PPM1L: variants seen among roughly 807,000 people sequenced by gnomAD.
The protein encoded by PPM1L is protein phosphatase, Mg2+/Mn2+ dependent 1L, also known as protein phosphatase 1L.
PPM1L carries 13 observed loss-of-function variants against 31.4 expected under a neutral mutation model. The ratio of observed to expected loss-of-function variants is 0.41; its 90% confidence interval spans 0.27 to 0.66. The LOEUF (loss-of-function observed/expected upper bound fraction) is 0.66. Ranked by LOEUF, PPM1L falls within the 30% of genes least tolerant of loss-of-function variation. PPM1L has a pLI of 0.29. For synonymous variants in PPM1L, 184 were observed against 175.4 expected (o/e 1.05, Z -0.39); for missense variants, 326 against 453.7 (o/e 0.72, Z 2.56).
At chr3:160,921,548 A>C (rs972956178) in intron 1 of PPM1L, among the ~76,000 whole-genome samples, 1 of 152,170 alleles carries the variant, frequency 6.6e-6, no homozygotes, top group Non-Finnish European at 1.5e-5. Flanking sequence ...TTAAACATTT[A>C]AACTGTCCTT....
chr3:160,819,292 A>G (rs1713120647), intron 1 of PPM1L, among the ~76,000 whole-genome samples: 1 of 152,104 alleles, frequency 6.6e-6, no homozygotes. Flanking sequence ...CTCATTTAAT[A>G]TAACATAAGA....
At chr3:160,787,376 A>G (rs1320500438) in intron 1 of PPM1L, among the ~76,000 whole-genome samples, 1 of 151,952 alleles carries the variant, frequency 6.6e-6, no homozygotes, top group Non-Finnish European at 1.5e-5. Context: ...CACTTTTTGT[A>G]TGTTTTTTGG....
intron 1 of PPM1L, among the ~76,000 whole-genome samples, chr3:160,789,120 T>G (rs1003974429): frequency 1.3e-5 from 2 of 151,976 alleles, no homozygotes; most frequent in Non-Finnish European, 2.9e-5. Flanking sequence ...AGGATACTTC[T>G]TTAATTTATT....
chr3:161,009,195 C>T (rs73875442), intron 2 of PPM1L, among the ~76,000 whole-genome samples: 230 of 152,234 alleles, frequency 1.5e-3, no homozygotes, highest in African/African-American at 5.3e-3. Flanking sequence ...AATCAGTTGC[C>T]ATAATGCTGT....
chr3:160,934,691 A>T (rs984616008), intron 1 of PPM1L, among the ~76,000 whole-genome samples: 9 of 152,080 alleles, frequency 5.9e-5, no homozygotes, highest in African/African-American at 2.2e-4. Context: ...AGTGGCTCAC[A>T]CCTGTAATCC....
intron 2 of PPM1L, among the ~76,000 whole-genome samples, chr3:161,005,719 A>T (rs1717682154): frequency 6.6e-6 from 1 of 152,228 alleles, no homozygotes; most frequent in East Asian, 1.9e-4. Context: ...AGCACTTGAA[A>T]CACAATATAA....
chr3:161,007,787 A>G (rs139033150), intron 2 of PPM1L, among the ~76,000 whole-genome samples: 64 of 152,294 alleles, frequency 4.2e-4, no homozygotes, highest in Non-Finnish European at 8.1e-4. Context: ...ACTGTGAGCA[A>G]GATGAGAGCC....
chr3:160,780,442 C>G (rs1048496313), intron 1 of PPM1L, among the ~76,000 whole-genome samples: 8 of 152,162 alleles, frequency 5.3e-5, no homozygotes, highest in African/African-American at 1.9e-4. Context: ...GGCAAAGGCT[C>G]CATTGGATCC....
At chr3:160,818,905 T>G (rs1358199874) in intron 1 of PPM1L, among the ~76,000 whole-genome samples, 1 of 151,892 alleles carries the variant, frequency 6.6e-6, no homozygotes, top group East Asian at 1.9e-4. Context: ...TATTTATTTA[T>G]TTTTTTACTT....
At chr3:160,774,322 A>G (rs111289313) in intron 1 of PPM1L, among the ~76,000 whole-genome samples, 2,507 of 152,070 alleles carry the variant, frequency 0.016, 66 homozygotes, top group African/African-American at 0.057. Context: ...TGCCATAAAG[A>G]TGGTACTGCC....
At chr3:160,866,863 GA>G (rs1712108725) in intron 1 of PPM1L, among the ~76,000 whole-genome samples, 1 of 151,580 alleles carries the variant, frequency 6.6e-6, no homozygotes, top group Admixed American at 6.6e-5. Context: ...TTATTTTTTT[GA>G]GACAGAATCT....
chr3:161,063,641 C>G (rs1376296172), intron 2 of PPM1L, among the ~76,000 whole-genome samples: 2 of 151,830 alleles, frequency 1.3e-5, no homozygotes, highest in Admixed American at 6.6e-5. Flanking sequence ...ACCAGAAATA[C>G]CATTTGACTC....
chr3:160,928,733 A>G (rs1178572133), intron 1 of PPM1L, among the ~76,000 whole-genome samples: 1 of 152,140 alleles, frequency 6.6e-6, no homozygotes, highest in Non-Finnish European at 1.5e-5. Flanking sequence ...GGAACTAGCT[A>G]GGTCCTTTTG....
intron 2 of PPM1L, among the ~76,000 whole-genome samples, chr3:160,994,550 G>C (rs1441217089): frequency 6.6e-6 from 1 of 152,172 alleles, no homozygotes; most frequent in African/African-American, 2.4e-5. Flanking sequence ...CCACTCCCAA[G>C]TTCCCTAGCT....
intron 1 of PPM1L, among the ~76,000 whole-genome samples, chr3:160,843,832 GTA>G (rs1713986616): frequency 6.6e-6 from 1 of 152,046 alleles, no homozygotes; most frequent in Non-Finnish European, 1.5e-5. Flanking sequence ...ACATGCACAC[GTA>G]TGTTTATTGC....
chr3:160,970,743 C>CTA (rs1716303028), intron 2 of PPM1L, among the ~76,000 whole-genome samples: 1 of 150,242 alleles, frequency 6.7e-6, no homozygotes, highest in Non-Finnish European at 1.5e-5. Flanking sequence ...CAGGTGTGTG[C>CTA]TATTGCACCT....
chr3:160,852,316 T>G (rs1215310087), intron 1 of PPM1L, among the ~76,000 whole-genome samples: 1 of 152,060 alleles, frequency 6.6e-6, no homozygotes, highest in African/African-American at 2.4e-5. Flanking sequence ...CAAAAAAAAA[T>G]AAATTTTTAT....
chr3:160,962,367 C>T (rs773126347), intron 2 of PPM1L, among the ~76,000 whole-genome samples: 2 of 152,078 alleles, frequency 1.3e-5, no homozygotes, highest in Non-Finnish European at 2.9e-5. Context: ...GAGACTTCAT[C>T]TCACTGCCTG....
rs184868118 is a variant in PPM1L at position 160,838,208 on chromosome 3, G to C, written c.399+81501G>C. 9.3e-4 allele frequency among the ~76,000 whole-genome samples: 142 copies of C among 152,262 alleles called. No individual in the cohort carries two copies. The Middle Eastern group carries it at 0.024, about 26-fold the overall frequency. On this transcript the variant is annotated intron_variant, in intron 1 of 3. Coordinates refer to ENST00000498165, the MANE Select transcript of PPM1L (RefSeq NM_139245.4). ...CCTTCCATGGTTATGAAGTAGTAGA[G>C]GGAATGGCAAATTATATCTGGAGAA...
Sources: allele counts gnomAD v4.1 joint callset (sites outside exome capture counted in the v4.1 genomes callset), GRCh38; gene constraint gnomAD v4.1.1; transcripts MANE v1.5; gene names NCBI Gene and HGNC (gene_info 2026-07-23, HGNC 2026-07-21).